Variants in ADARB1 observed in about 807,000 individuals in gnomAD.
ADARB1 encodes the protein adenosine deaminase RNA specific B1.
In ADARB1, 10 loss-of-function variants were observed where a neutral mutation model predicts 52.4. The observed-to-expected ratio is 0.19, with a 90% CI of 0.12 to 0.32. The LOEUF is 0.32. Ranked by LOEUF, ADARB1 falls within the 10% of genes least tolerant of loss-of-function variation. The pLI is 1.00. For missense variants in ADARB1, 643 were observed against 922.3 expected (o/e 0.70, Z 3.92); for synonymous variants, 349 against 371.1 (o/e 0.94, Z 0.68).
chr21:45,109,257 ATG>A (rs67635476), intron 1 of ADARB1, among the ~76,000 whole-genome samples: 26 of 78,602 alleles, frequency 3.3e-4, no homozygotes, highest in Middle Eastern at 6.3e-3. Context: ...GCGTGTGCGT[ATG>A]TGTGTGCACT....
At chr21:45,161,317 C>T (rs1036922789) in intron 2 of ADARB1, among the ~76,000 whole-genome samples, 1 of 152,214 alleles carries the variant, frequency 6.6e-6, no homozygotes, top group Non-Finnish European at 1.5e-5. Flanking sequence ...CTGCACTCAC[C>T]AGGGCCCAGG....
chr21:45,165,515 G>A (rs2091217514), intron 2 of ADARB1, among the ~76,000 whole-genome samples: 1 of 152,042 alleles, frequency 6.6e-6, no homozygotes, highest in African/African-American at 2.4e-5. Context: ...TTTCCTAGAA[G>A]GTAAAATATT....
In ADARB1 at chr21:45,168,744, AT is replaced by A. The variant is rs906363457; in HGVS notation, c.-47-2856del. On this transcript the variant is annotated intron_variant, in intron 2 of 10. Transcript: ENST00000348831. ...CAGCTAGACTGATTGCTCCCACTTTATTTTTTTTTTATGGTGGTTACATTAA... is the reference window on the plus strand; with the variant it reads ...CAGCTAGACTGATTGCTCCCACTTTATTTTTTTTTATGGTGGTTACATTAA... Among the ~76,000 whole-genome samples, 504 of 147,260 alleles carry A rather than the reference AT, an allele frequency of 3.4e-3. 4 individuals carry two copies. The highest frequency in any genetic ancestry group is 0.01 in the African/African-American group (416 of 40,276).
At chr21:45,096,941 G>A (rs755931189) in intron 1 of ADARB1, among the ~76,000 whole-genome samples, 7 of 151,736 alleles carry the variant, frequency 4.6e-5, no homozygotes, top group Admixed American at 1.3e-4. Flanking sequence ...GGGTTTCACC[G>A]TGTTAGTCAG....
chr21:45,075,545 T>C (rs1365956269), intron 1 of ADARB1, among the ~76,000 whole-genome samples: 1 of 152,242 alleles, frequency 6.6e-6, no homozygotes, highest in African/African-American at 2.4e-5. Flanking sequence ...GTGCCGGGCG[T>C]CTGCAGCGAT....
At chr21:45,153,340 T>A (rs1160537074) in intron 2 of ADARB1, among the ~76,000 whole-genome samples, 1 of 14,154 alleles carries the variant, frequency 7.1e-5, no homozygotes, top group East Asian at 0.028. Context: ...AAGCTGTTGA[T>A]GTTTTTTTTT....
intron 8 of ADARB1, among the ~76,000 whole-genome samples, chr21:45,196,159 A>T (rs1046112863): frequency 1.9e-4 from 29 of 152,184 alleles, no homozygotes; most frequent in African/African-American, 5.8e-4. Flanking sequence ...AGTGTAAATG[A>T]TGTTGTGTTT....
In ADARB1 at chr21:45,176,193, C is replaced by T. The variant is rs1473880851; in HGVS notation, c.492C>T (p.Asp164=). ...GGAGGACCCTGTCTGTCAACACGGA[C>T]TTCACATCTGACCAGGCCGACTTCC... is the stretch of plus-strand genomic sequence containing the variant. The part of the protein sequence containing the change: ...AMGRTLSVNT[D]FTSDQADFPD... The change falls in exon 4 of 11, where the codon GAC becomes GAT. Residue 164 remains aspartate, a synonymous_variant. Coordinates refer to ENST00000348831, the MANE Select transcript of ADARB1 (RefSeq NM_001112.4). The surrounding 1 kb of genome is among the most constrained non-coding windows in gnomAD (Gnocchi z 5.8). The T allele has an allele frequency of 6.2e-7, 1 of 1,614,212 alleles. No homozygotes were observed.
At chr21:45,183,550 A>C in intron 7 of ADARB1, 40 bp downstream of exon 7, 1 of 1,605,214 alleles carries the variant, frequency 6.2e-7, no homozygotes, top group Non-Finnish European at 8.5e-7. Flanking sequence ...TTTCTCAAGA[A>C]AATGTTAACA....
At chr21:45,119,694 C>T (rs1382125332) in intron 1 of ADARB1, among the ~76,000 whole-genome samples, 1 of 152,130 alleles carries the variant, frequency 6.6e-6, no homozygotes, top group Non-Finnish European at 1.5e-5. Flanking sequence ...AATGTTACTG[C>T]TGCATCAGAA....
intron 4 of ADARB1, among the ~76,000 whole-genome samples, chr21:45,178,954 C>T (rs1164977827): frequency 3.3e-5 from 5 of 152,172 alleles, no homozygotes; most frequent in Admixed American, 6.5e-5. Context: ...TAAAGTTCTT[C>T]GCCTCTCTTT....
At chr21:45,139,515 G>C (rs537121619) in intron 2 of ADARB1, among the ~76,000 whole-genome samples, 1 of 152,232 alleles carries the variant, frequency 6.6e-6, no homozygotes, top group East Asian at 1.9e-4. Context: ...TGGAGTGGTA[G>C]AGCAGAGTGG....
intron 1 of ADARB1, among the ~76,000 whole-genome samples, chr21:45,110,180 T>A (rs183082816): frequency 3.9e-5 from 6 of 152,368 alleles, no homozygotes; most frequent in Admixed American, 3.9e-4. Context: ...GACTCTTTCC[T>A]CTGCATAATT....
At chr21:45,173,076 A>G (rs1003917090) in intron 3 of ADARB1, among the ~76,000 whole-genome samples, 1 of 152,226 alleles carries the variant, frequency 6.6e-6, no homozygotes, top group Non-Finnish European at 1.5e-5. Context: ...CCTACAGCCT[A>G]CAGCTGCAGT....
At chr21:45,175,275 G>A (rs2091646448) in intron 3 of ADARB1, among the ~76,000 whole-genome samples, 1 of 152,170 alleles carries the variant, frequency 6.6e-6, no homozygotes, top group Non-Finnish European at 1.5e-5. Context: ...TAGATAGCAT[G>A]AGGGTAAACA....
intron 1 of ADARB1, among the ~76,000 whole-genome samples, chr21:45,088,826 C>T (rs577252047): frequency 2.0e-5 from 3 of 152,266 alleles, no homozygotes; most frequent in Non-Finnish European, 1.5e-5. Flanking sequence ...CATCATATGC[C>T]GCCCCACACC....
rs76493938 is a variant in ADARB1 at position 45,216,162 on chromosome 21, G to A, written c.1748-4674G>A. Reference sequence around the variant, plus strand: ...TATCTGTGATATCTCTAATGATATCGTCTTATCCCTTATATTGATGATTTG... The same window carrying A: ...TATCTGTGATATCTCTAATGATATCATCTTATCCCTTATATTGATGATTTG... On this transcript the variant is annotated intron_variant, in intron 9 of 10. Coordinates refer to ENST00000348831, the MANE Select transcript of ADARB1 (RefSeq NM_001112.4). 1.8e-3 allele frequency among the ~76,000 whole-genome samples: 280 copies of A among 151,984 alleles called. 2 individuals are homozygous for A. In the East Asian group the frequency reaches 0.037, roughly 20 times the overall value.
intron 2 of ADARB1, among the ~76,000 whole-genome samples, chr21:45,153,414 G>T (rs2090401614): frequency 6.6e-6 from 1 of 152,004 alleles, no homozygotes; most frequent in Non-Finnish European, 1.5e-5. Flanking sequence ...GTCTAGCCCG[G>T]AGAACAGCTG....
chr21:45,115,250 C>T (rs533255177), intron 1 of ADARB1, among the ~76,000 whole-genome samples: 7 of 152,262 alleles, frequency 4.6e-5, no homozygotes, highest in Non-Finnish European at 7.4e-5. Context: ...TGCCAGTGAC[C>T]GTCTGTGAGT....
Sources: allele counts gnomAD v4.1 joint callset (sites outside exome capture counted in the v4.1 genomes callset), GRCh38; gene constraint gnomAD v4.1.1; non-coding constraint Gnocchi (gnomAD v3.1); transcripts MANE v1.5; gene names NCBI Gene and HGNC (gene_info 2026-07-23, HGNC 2026-07-21).